Variants in CSNK2A2IP observed in about 807,000 individuals in gnomAD.
CSNK2A2IP encodes the protein casein kinase 2 subunit alpha' interacting protein, also known as casein kinase II subunit alpha'-interacting protein.
the CSNK2A2IP span, among the ~76,000 whole-genome samples, chr3:88,442,620 C>A: frequency 2.0e-5 from 3 of 151,950 alleles, no homozygotes; most frequent in Non-Finnish European, 2.9e-5. Flanking sequence ...TTTCTCAGAG[C>A]AAACTTGAGA....
At chr3:88,399,697 G>A in the CSNK2A2IP span, 1 of 152,102 alleles carries the variant, frequency 6.6e-6, no homozygotes, top group East Asian at 1.9e-4. Context: ...CGAGCCCCAG[G>A]GTGCTAATCC....
At chr3:88,465,926 A>G in the CSNK2A2IP span, 1 of 1,231,626 alleles carries the variant, frequency 8.1e-7, no homozygotes, top group Non-Finnish European at 1.0e-6. Context: ...CTCCAAAATC[A>G]AGAAATACCT....
At chr3:88,425,143 G>A in the CSNK2A2IP span, among the ~76,000 whole-genome samples, 3 of 151,982 alleles carry the variant, frequency 2.0e-5, no homozygotes, top group East Asian at 1.9e-4. Flanking sequence ...CAGAAAAATT[G>A]TATATAACAC....
At chr3:88,360,413 G>A in the CSNK2A2IP span, among the ~76,000 whole-genome samples, 15 of 152,288 alleles carry the variant, frequency 9.8e-5, no homozygotes, top group East Asian at 5.8e-4. Context: ...GATTATAGGC[G>A]TGAGCCACTG....
the CSNK2A2IP span, among the ~76,000 whole-genome samples, chr3:88,446,088 TTCTTTC>T: frequency 2.1e-5 from 3 of 140,736 alleles, no homozygotes; most frequent in East Asian, 6.0e-4. Context: ...CTTTCTTTCT[TTCTTTC>T]TTTCTTTTTT....
At chr3:88,455,058 G>A in the CSNK2A2IP span, among the ~76,000 whole-genome samples, 1 of 151,798 alleles carries the variant, frequency 6.6e-6, no homozygotes, top group Non-Finnish European at 1.5e-5. Flanking sequence ...GCAAATGGAA[G>A]GATTTCCTTC....
the CSNK2A2IP span, among the ~76,000 whole-genome samples, chr3:88,390,214 A>T: frequency 0.068 from 10,283 of 152,178 alleles, 1,003 homozygotes; most frequent in African/African-American, 0.21. Context: ...ATACACTTGA[A>T]TGGAATCAAA....
the CSNK2A2IP span, among the ~76,000 whole-genome samples, chr3:88,402,809 C>T: frequency 2.0e-5 from 3 of 152,018 alleles, no homozygotes; most frequent in Non-Finnish European, 2.9e-5. Context: ...GGGATGATTG[C>T]ACGGAATAGA....
At chr3:88,389,825 AC>A in the CSNK2A2IP span, among the ~76,000 whole-genome samples, 1 of 113,178 alleles carries the variant, frequency 8.8e-6, no homozygotes, top group South Asian at 3.7e-4. Context: ...AAAACCCTGT[AC>A]TTTTTTTTTT....
At chr3:88,344,722 A>C in the CSNK2A2IP span, among the ~76,000 whole-genome samples, 66,476 of 151,662 alleles carry the variant, frequency 0.44, 15,817 homozygotes, top group South Asian at 0.62. Flanking sequence ...GTACATATTT[A>C]TTGTAATAAA....
chr3:88,445,944 TTCTCTC>T, the CSNK2A2IP span, among the ~76,000 whole-genome samples: 11,581 of 136,748 alleles, frequency 0.085, 730 homozygotes, highest in Non-Finnish European at 0.13. Context: ...CTTTCTTTCT[TTCTCTC>T]TCTCTCTCTC....
chr3:88,369,250 C>A, the CSNK2A2IP span, among the ~76,000 whole-genome samples: 1 of 151,752 alleles, frequency 6.6e-6, no homozygotes, highest in Non-Finnish European at 1.5e-5. Flanking sequence ...AATGAACGGC[C>A]TTGTAGGATA....
the CSNK2A2IP span, among the ~76,000 whole-genome samples, chr3:88,446,030 TTTTCTTTCTTTCTTTC>T: frequency 0.094 from 5,416 of 57,894 alleles, 262 homozygotes; most frequent in African/African-American, 0.11. Flanking sequence ...TCTTTGTTTC[TTTTCTTTCTTTCTTTC>T]TTTCTTTCTT....
chr3:88,453,094 C>T, the CSNK2A2IP span, among the ~76,000 whole-genome samples: 1 of 152,072 alleles, frequency 6.6e-6, no homozygotes, highest in Non-Finnish European at 1.5e-5. Context: ...AGTCAAGCTA[C>T]AAGATAAGCC....
chr3:88,362,175 G>A, the CSNK2A2IP span, among the ~76,000 whole-genome samples: 1 of 152,142 alleles, frequency 6.6e-6, no homozygotes, highest in South Asian at 2.1e-4. Flanking sequence ...ATTGATATCT[G>A]GTCATTGAAG....
the CSNK2A2IP span, among the ~76,000 whole-genome samples, chr3:88,423,585 A>G: frequency 5.3e-5 from 8 of 152,120 alleles, no homozygotes; most frequent in East Asian, 1.5e-3. Flanking sequence ...TAGATGAGGA[A>G]TTTGAGGCAC....
At chr3:88,418,230 G>T in the CSNK2A2IP span, among the ~76,000 whole-genome samples, 1 of 152,040 alleles carries the variant, frequency 6.6e-6, no homozygotes, top group Non-Finnish European at 1.5e-5. Context: ...ACTGAGGTGG[G>T]GAGAGGTATT....
the CSNK2A2IP span, chr3:88,343,382 A>G: frequency 2.0e-5 from 3 of 152,010 alleles, no homozygotes; most frequent in Non-Finnish European, 2.9e-5. Context: ...GGAGACAGAA[A>G]CAAGGGAGCA....
chr3:88,397,320 C>T, the CSNK2A2IP span, among the ~76,000 whole-genome samples: 10 of 152,136 alleles, frequency 6.6e-5, no homozygotes, highest in Non-Finnish European at 1.5e-4. Flanking sequence ...CCAGTTTTGT[C>T]AGTTTTCTAC....
Sources: allele counts gnomAD v4.1 joint callset (sites outside exome capture counted in the v4.1 genomes callset), GRCh38; gene constraint gnomAD v4.1.1; transcripts MANE v1.5; gene names NCBI Gene and HGNC (gene_info 2026-07-23, HGNC 2026-07-21).